The following ACTL6B variants were observed in gnomAD, a reference collection of about 807,000 sequenced individuals.
ACTL6B encodes actin like 6B.
ACTL6B carries 48 observed loss-of-function variants against 63.3 expected under a neutral mutation model. That is an observed-to-expected ratio of 0.76 (90% CI 0.60 to 0.96). The LOEUF (loss-of-function observed/expected upper bound fraction) is 0.96. Ranked by LOEUF, ACTL6B falls within the 50% of genes least tolerant of loss-of-function variation. The pLI is 0.00. For missense variants in ACTL6B, 350 were observed against 572.2 expected (o/e 0.61, Z 3.96); for synonymous variants, 230 against 223.8 (o/e 1.03, Z -0.25).
rs750944962 is a variant in ACTL6B, at chr7:100,646,998, C to T, written c.909G>A (p.Glu303=). Residue 303 remains glutamate (E), a synonymous_variant, in exon 10 of 14, where the codon GAG becomes GAA. Coordinates refer to ENST00000160382, the MANE Select transcript of ACTL6B (RefSeq NM_016188.5). This position sits in a 1 kb window ranked among gnomAD's most constrained non-coding sequence, Gnocchi z 6.1. The part of the protein sequence containing the change: ...DYGAERLRIP[E]GLFDPSNVKG... Reference sequence around the variant, plus strand: ...TGACGTTCGAGGGATCAAACAGGCCCTCAGGGATGCGGAGTCGCTCGGCGC... The same window carrying T: ...TGACGTTCGAGGGATCAAACAGGCCTTCAGGGATGCGGAGTCGCTCGGCGC... The T allele has an allele frequency of 3.1e-6, 5 of 1,614,132 alleles. No homozygotes were observed. The highest frequency in any genetic ancestry group is 1.1e-5 in the South Asian group (1 of 91,088).
chr7:100,647,598 G>T lies in ACTL6B; in HGVS notation c.670-65C>A. The T allele has an allele frequency of 8.0e-7, 1 of 1,255,608 alleles. No homozygotes were observed. The allele number at this position is 1,255,608 out of a possible 1,614,324, so 77.8% of individuals were successfully genotyped here. A position where few individuals can be genotyped will look rare whatever the true frequency, so the allele number is the denominator to read the frequency against. On this transcript the variant is annotated intron_variant, in intron 7 of 13. Coordinates refer to ENST00000160382, the MANE Select transcript of ACTL6B (RefSeq NM_016188.5). The surrounding 1 kb of genome is among the most constrained non-coding windows in gnomAD (Gnocchi z 4.4). The stretch of plus-strand genomic sequence containing the variant: ...CCTGACCCCCACCCCCACCTTCCTG[G>T]CACTGTTCCCAGCTCTGCAGCTACC...
chr7:100,655,412 G>A lies in ACTL6B; in HGVS notation c.268+9C>T. The A allele has an allele frequency of 2.5e-6, 4 of 1,612,858 alleles. No homozygotes were observed. The highest frequency in any genetic ancestry group is 3.4e-6 in the Non-Finnish European group (4 of 1,179,402). ...TTCTGTCAGGAGGTGATGGGTGGGG[G>A]CCCCTTACTCATGCCATTCTTGAGG... On this transcript the variant is annotated intron_variant, in intron 3 of 13. Coordinates refer to ENST00000160382, the MANE Select transcript of ACTL6B (RefSeq NM_016188.5). The surrounding 1 kb of genome is among the most constrained non-coding windows in gnomAD (Gnocchi z 4.4).
intron 4 of ACTL6B, among the ~76,000 whole-genome samples, chr7:100,652,136 C>A (rs1043134312): frequency 2.0e-5 from 3 of 152,034 alleles, no homozygotes; most frequent in Non-Finnish European, 4.4e-5. Flanking sequence ...TGGTGGCTCA[C>A]GCCTGTAATC....
At chr7:100,651,279 G>A (rs547088025) in intron 4 of ACTL6B, among the ~76,000 whole-genome samples, 7 of 152,124 alleles carry the variant, frequency 4.6e-5, no homozygotes, top group South Asian at 4.1e-4. Flanking sequence ...TGCTGGGCGC[G>A]GTGGCTCATG....
rs756216989 is a variant in ACTL6B, at chr7:100,646,701, C to T, written c.1017+50G>A. On this transcript the variant is annotated intron_variant, in intron 11 of 13. Transcript: ENST00000160382. This position sits in a 1 kb window ranked among gnomAD's most constrained non-coding sequence, Gnocchi z 6.1. ...GGGGCAGCCCCCCAACCCCGTCTCC[C>T]CACTTCCCCTGGGCCCCTTTGCCGA... The T allele has an allele frequency of 6.2e-7, 1 of 1,613,284 alleles. No homozygotes were observed. The highest frequency in any genetic ancestry group is 1.7e-5 in the Admixed American group (1 of 59,998).
rs1312632951 is a variant in ACTL6B at position 100,655,397 on chromosome 7, A to T, written c.268+24T>A. The T allele has an allele frequency of 1.2e-6, 2 of 1,609,350 alleles. No homozygotes were observed. Among genetic ancestry groups the T allele is most frequent in the Non-Finnish European group, 1.7e-6 (2 of 1,177,604 alleles). On this transcript the variant is annotated intron_variant, in intron 3 of 13. Coordinates refer to ENST00000160382, the MANE Select transcript of ACTL6B (RefSeq NM_016188.5). This position sits in a 1 kb window ranked among gnomAD's most constrained non-coding sequence, Gnocchi z 4.4. The stretch of plus-strand genomic sequence containing the variant: ...GGGAGCGGGCTCCTTTTCTGTCAGG[A>T]GGTGATGGGTGGGGGCCCCTTACTC...
chr7:100,643,146 T>G lies in ACTL6B; in HGVS notation c.*100A>C. On this transcript the variant is annotated 3_prime_UTR_variant, in exon 14 of 14. Transcript: ENST00000160382. ...TTCTTTCAACCCAGAAACATCACCA[T>G]TAATGAGGACAAGAGGGAAAGGAGG... The G allele has an allele frequency of 8.0e-7, 1 of 1,244,214 alleles. No homozygotes were observed. The highest frequency in any genetic ancestry group is 1.2e-6 in the Non-Finnish European group (1 of 861,918). 77.1% of individuals were successfully genotyped at this position (1,244,214 alleles called of 1,614,324 possible).
In ACTL6B at chr7:100,646,852, G is replaced by A; in HGVS notation, c.937-21C>T. ...AGGCCCTGCAGAGAGAGGTGACTGG[G>A]GCTGTGGGCTCTCTCCCCCTTCCCC... On this transcript the variant is annotated intron_variant, in intron 10 of 13. Transcript: ENST00000160382. The surrounding 1 kb of genome is among the most constrained non-coding windows in gnomAD (Gnocchi z 6.1). 1 of 1,607,788 alleles carries A rather than the reference G, an allele frequency of 6.2e-7. No homozygotes were observed. Among genetic ancestry groups the A allele is most frequent in the South Asian group, 1.1e-5 (1 of 90,662 alleles).
chr7:100,652,719 CA>C (rs1409358677), intron 4 of ACTL6B, among the ~76,000 whole-genome samples: 4 of 151,630 alleles, frequency 2.6e-5, no homozygotes, highest in Non-Finnish European at 5.9e-5. Flanking sequence ...TAATCAAACA[CA>C]GGGCTGGGAT....
rs991890144 is a variant in ACTL6B, at chr7:100,646,471, G to A, written c.1113+80C>T. On this transcript the variant is annotated intron_variant, in intron 12 of 13. Coordinates refer to ENST00000160382, the MANE Select transcript of ACTL6B (RefSeq NM_016188.5). The surrounding 1 kb of genome is among the most constrained non-coding windows in gnomAD (Gnocchi z 6.1). ...GTGGCCAGAACAGAAGGAAGGACATGGGAAGGATGAAGGGACTCAGTCCTG... is the reference window on the plus strand; with the variant it reads ...GTGGCCAGAACAGAAGGAAGGACATAGGAAGGATGAAGGGACTCAGTCCTG... 6.4e-7 allele frequency: 1 copy of A among 1,560,240 alleles called. No homozygotes were observed. The highest frequency in any genetic ancestry group is 8.8e-7 in the Non-Finnish European group (1 of 1,132,522).
chr7:100,643,776 A>G (rs558968937), intron 13 of ACTL6B, among the ~76,000 whole-genome samples: 1 of 152,078 alleles, frequency 6.6e-6, no homozygotes, highest in Non-Finnish European at 1.5e-5. Flanking sequence ...TCACCATTCC[A>G]ACACTGTGGC....
intron 13 of ACTL6B, among the ~76,000 whole-genome samples, chr7:100,645,224 T>C (rs1803798827): frequency 6.6e-6 from 1 of 151,968 alleles, no homozygotes; most frequent in African/African-American, 2.4e-5. Flanking sequence ...GGCCCCACTG[T>C]CCCCTCTGTG....
At chr7:100,653,688 A>T (rs1229777506) in intron 4 of ACTL6B, among the ~76,000 whole-genome samples, 2 of 151,744 alleles carry the variant, frequency 1.3e-5, no homozygotes, top group African/African-American at 4.8e-5. Context: ...AAAACCCCAA[A>T]CAACAACAAC....
intron 13 of ACTL6B, among the ~76,000 whole-genome samples, chr7:100,645,626 C>T (rs993225397): frequency 1.2e-4 from 18 of 151,028 alleles, no homozygotes; most frequent in Non-Finnish European, 1.9e-4. Flanking sequence ...ACTACCTGTC[C>T]CTCTACTCCC....
rs1324552122 is a variant in ACTL6B, at chr7:100,655,453, G to T, written c.236C>A (p.Ala79Glu). Reference protein sequence around the residue: ...TNALHVPRDGAEVMSPLKNGM... With the variant: ...TNALHVPRDGEEVMSPLKNGM... ...ATTCTTGAGGGGCGACATGACCTCC[G>T]CTCCATCCCGAGGCACGTGCAGGGC... The change falls in exon 3 of 14, where the codon GCG becomes GAG. Residue 79 changes from alanine to glutamate, a missense_variant. Transcript: ENST00000160382. This position sits in a 1 kb window ranked among gnomAD's most constrained non-coding sequence, Gnocchi z 4.4. 3 of 1,614,140 alleles carry T rather than the reference G, an allele frequency of 1.9e-6. No individual in the cohort carries two copies. The highest frequency in any genetic ancestry group is 2.2e-5 in the South Asian group (2 of 91,086).
At chr7:100,645,809 T>G (rs545837662) in intron 13 of ACTL6B, among the ~76,000 whole-genome samples, 1 of 152,236 alleles carries the variant, frequency 6.6e-6, no homozygotes, top group East Asian at 1.9e-4. Context: ...TTTTTGGATT[T>G]TTAGTAGAGA....
chr7:100,655,339 C>A lies in ACTL6B; in HGVS notation c.268+82G>T. The A allele has an allele frequency of 6.7e-7, 1 of 1,481,500 alleles. No homozygotes were observed. The highest frequency in any genetic ancestry group is 1.3e-5 in the South Asian group (1 of 79,706). The allele number at this position is 1,481,500 out of a possible 1,614,324, so 91.8% of individuals were successfully genotyped here. Reference sequence around the variant, plus strand: ...CCCTGGGGCTGCAAGGAAGACTCCGCGGGGAGTGGGGGCTGCTATGACCCA... The same window carrying A: ...CCCTGGGGCTGCAAGGAAGACTCCGAGGGGAGTGGGGGCTGCTATGACCCA... On this transcript the variant is annotated intron_variant, in intron 3 of 13. Coordinates refer to ENST00000160382, the MANE Select transcript of ACTL6B (RefSeq NM_016188.5). The surrounding 1 kb of genome is among the most constrained non-coding windows in gnomAD (Gnocchi z 4.4).
rs1328255960 is a variant in ACTL6B, at chr7:100,647,294, C to A, written c.760-10G>T. 1 of 1,613,252 alleles carries A rather than the reference C, an allele frequency of 6.2e-7. No homozygotes were observed. Among genetic ancestry groups the A allele is most frequent in the Admixed American group, 1.7e-5 (1 of 60,012 alleles). On this transcript the variant is annotated splice_polypyrimidine_tract_variant and intron_variant, in intron 8 of 13. Transcript: ENST00000160382. This position sits in a 1 kb window ranked among gnomAD's most constrained non-coding sequence, Gnocchi z 4.4. Reference sequence around the variant, plus strand: ...AGTCCTGGATCACCTCCTGAAATCCCAGCGGAGGTGGTGAGGGCCTGCCTT... The same window carrying A: ...AGTCCTGGATCACCTCCTGAAATCCAAGCGGAGGTGGTGAGGGCCTGCCTT...
At chr7:100,653,195 C>T (rs1803975148) in intron 4 of ACTL6B, among the ~76,000 whole-genome samples, 1 of 151,864 alleles carries the variant, frequency 6.6e-6, no homozygotes, top group Admixed American at 6.6e-5. Context: ...TGCCTGTAAT[C>T]CCAGCACTTT....
Sources: allele counts gnomAD v4.1 joint callset (sites outside exome capture counted in the v4.1 genomes callset), GRCh38; gene constraint gnomAD v4.1.1; non-coding constraint Gnocchi (gnomAD v3.1); transcripts MANE v1.5; gene names NCBI Gene and HGNC (gene_info 2026-07-23, HGNC 2026-07-21).